Variants in PPP1R2 observed in about 807,000 individuals in gnomAD.
PPP1R2 encodes the protein protein phosphatase 1 regulatory inhibitor subunit 2.
In PPP1R2, 16 loss-of-function variants were observed where a neutral mutation model predicts 29.9. The observed-to-expected ratio is 0.53, with a 90% CI of 0.36 to 0.81. PPP1R2 has a LOEUF of 0.81. Ranked by LOEUF, PPP1R2 falls within the 30% of genes least tolerant of loss-of-function variation. The pLI, the probability that PPP1R2 is intolerant of heterozygous loss-of-function variation, is 0.00. For synonymous variants in PPP1R2, 76 were observed against 91.5 expected (o/e 0.83, Z 0.96); for missense variants, 197 against 252.7 (o/e 0.78, Z 1.49).
At chr3:195,532,217 T>TTTTC (rs1553886650) in intron 1 of PPP1R2, among the ~76,000 whole-genome samples, 6 of 125,116 alleles carry the variant, frequency 4.8e-5, no homozygotes, top group East Asian at 1.1e-3. Flanking sequence ...TTCTTTTTCT[T>TTTTC]TTTTTTTTTT....
intron 1 of PPP1R2, among the ~76,000 whole-genome samples, chr3:195,531,854 A>G (rs1719190500): frequency 6.6e-6 from 1 of 152,082 alleles, no homozygotes; most frequent in Admixed American, 6.6e-5. Flanking sequence ...TTAAGTACTA[A>G]CTCCCCACTC....
intron 1 of PPP1R2, among the ~76,000 whole-genome samples, 200 bp downstream of exon 1, chr3:195,542,704 T>TAA (rs768162560): frequency 1.1e-4 from 16 of 144,672 alleles, no homozygotes; most frequent in South Asian, 4.3e-4. Context: ...CCCAAATGCT[T>TAA]AAAAAAAAAA....
At chr3:195,542,793 C>T in intron 1 of PPP1R2, 111 bp downstream of exon 1, 1 of 1,335,734 alleles carries the variant, frequency 7.5e-7, no homozygotes, top group Non-Finnish European at 9.9e-7. Flanking sequence ...GGAGAAGAGA[C>T]TCGAGCGGCA....
At chr3:195,542,442 T>C (rs1430940362) in intron 1 of PPP1R2, among the ~76,000 whole-genome samples, 1 of 152,188 alleles carries the variant, frequency 6.6e-6, no homozygotes, top group African/African-American at 2.4e-5. Context: ...GATGCAGAAA[T>C]ACAGTGTGGC....
chr3:195,522,046 T>A (rs186114193), intron 4 of PPP1R2, among the ~76,000 whole-genome samples: 15 of 152,338 alleles, frequency 9.8e-5, no homozygotes, highest in Non-Finnish European at 1.8e-4. Flanking sequence ...TTATACCTAC[T>A]TTTACTTTTT....
At chr3:195,525,633 A>C (rs1331933031) in intron 2 of PPP1R2, among the ~76,000 whole-genome samples, 2 of 152,166 alleles carry the variant, frequency 1.3e-5, no homozygotes, top group Non-Finnish European at 2.9e-5. Context: ...AAAGTAACAA[A>C]ATTCGATCCC....
intron 1 of PPP1R2, among the ~76,000 whole-genome samples, chr3:195,535,186 G>GGC (rs1719330635): frequency 6.6e-6 from 1 of 152,106 alleles, no homozygotes; most frequent in Non-Finnish European, 1.5e-5. Context: ...ATAAGGAGTG[G>GGC]GCGACCTAGA....
chr3:195,515,796 T>A lies in PPP1R2; in HGVS notation c.*1100A>T, dbSNP rs1136. The A allele has an allele frequency of 6.6e-5, 10 of 152,016 alleles. No homozygotes were observed. The highest frequency in any genetic ancestry group is 5.2e-4 in the Admixed American group (8 of 15,246). 9.4% of individuals were successfully genotyped at this position (152,016 alleles called of 1,614,324 possible). Reference sequence around the variant, plus strand: ...CCTCAGTTAGTTGTTTTCTTAAGTCTAATTAATCCAAACTAATAATAGCCA... The same window carrying A: ...CCTCAGTTAGTTGTTTTCTTAAGTCAAATTAATCCAAACTAATAATAGCCA... On this transcript the variant is annotated 3_prime_UTR_variant, in exon 6 of 6. Transcript: ENST00000618156.
rs187879736 is a variant in PPP1R2 at position 195,523,822 on chromosome 3, A to C, written c.309-36T>G. The C allele has an allele frequency of 3.7e-5, 57 of 1,536,642 alleles. No homozygotes were observed. The Admixed American group carries it at 9.6e-4, about 26-fold the overall frequency. On this transcript the variant is annotated intron_variant, in intron 3 of 5. Coordinates refer to ENST00000618156, the MANE Select transcript of PPP1R2 (RefSeq NM_006241.8). ...ATCATGTACAAAGAAATTAACAGTG[A>C]TGTTTTGATATTATTTAAGCGCCTT...
rs1190295387 is a variant in PPP1R2 at position 195,516,138 on chromosome 3, A to G, written c.*758T>C. 6.6e-6 allele frequency: 1 copy of G among 152,578 alleles called. No homozygotes were observed. The highest frequency in any genetic ancestry group is 1.5e-5 in the Non-Finnish European group (1 of 67,978). The allele number at this position is 152,578 out of a possible 1,614,324, so 9.5% of individuals were successfully genotyped here. A position where few individuals can be genotyped will look rare whatever the true frequency, so the allele number is the denominator to read the frequency against. ...GGAATGGCGAGATAGCTACATTAGA[A>G]TATTTATTTTTTTAAAAAACTGCTC... On this transcript the variant is annotated 3_prime_UTR_variant, in exon 6 of 6. Coordinates refer to ENST00000618156, the MANE Select transcript of PPP1R2 (RefSeq NM_006241.8).
At chr3:195,535,856 G>C (rs185501098) in intron 1 of PPP1R2, among the ~76,000 whole-genome samples, 6 of 152,248 alleles carry the variant, frequency 3.9e-5, no homozygotes, top group Admixed American at 3.3e-4. Flanking sequence ...AAGCACAAAA[G>C]TTAGGCATAA....
chr3:195,535,253 C>T (rs1047193035), intron 1 of PPP1R2, among the ~76,000 whole-genome samples: 1 of 152,148 alleles, frequency 6.6e-6, no homozygotes, highest in African/African-American at 2.4e-5. Context: ...TCTAATGTCA[C>T]CATTGATCTG....
In PPP1R2 at chr3:195,515,617, G is replaced by A. The variant is rs1016949947; in HGVS notation, c.*1279C>T. 2.6e-5 allele frequency: 4 copies of A among 152,264 alleles called. No homozygotes were observed. The highest frequency in any genetic ancestry group is 2.1e-4 in the South Asian group (1 of 4,826). The allele number at this position is 152,264 out of a possible 1,614,324, so 9.4% of individuals were successfully genotyped here. On this transcript the variant is annotated 3_prime_UTR_variant, in exon 6 of 6. Transcript: ENST00000618156. ...TTACTGCGTTAGAAGAATAAAGCAC[G>A]TTTGTCATAGTACACATTATCGTAG...
At position 195,515,552 on chromosome 3, in the gene PPP1R2, T is replaced by G. The variant is rs1718513906; in HGVS notation, c.*1344A>C. On this transcript the variant is annotated 3_prime_UTR_variant, in exon 6 of 6. Coordinates refer to ENST00000618156, the MANE Select transcript of PPP1R2 (RefSeq NM_006241.8). ...ATAACTAAACCAAGACACACAGGGC[T>G]TTCCTGCACTTGGTTGAAGGAAAAA... 1 of 152,568 alleles carries G rather than the reference T, an allele frequency of 6.6e-6. No homozygotes were observed. Among genetic ancestry groups the G allele is most frequent in the Admixed American group, 6.5e-5 (1 of 15,272 alleles). The allele number at this position is 152,568 out of a possible 1,614,324, so 9.5% of individuals were successfully genotyped here.
chr3:195,522,922 A>G (rs1034330211), intron 4 of PPP1R2, among the ~76,000 whole-genome samples: 2 of 152,158 alleles, frequency 1.3e-5, no homozygotes, highest in African/African-American at 2.4e-5. Context: ...TGCTTTTCTT[A>G]TATCTTTCCC....
chr3:195,524,963 A>G, intron 2 of PPP1R2, 67 bp from the exon 3 acceptor site: 1 of 1,350,678 alleles, frequency 7.4e-7, no homozygotes, highest in Non-Finnish European at 1.1e-6. Flanking sequence ...AACAAGGGAG[A>G]AAAACAATTC....
intron 3 of PPP1R2, among the ~76,000 whole-genome samples, chr3:195,524,129 C>T (rs1718874150): frequency 6.6e-6 from 1 of 151,650 alleles, no homozygotes; most frequent in Non-Finnish European, 1.5e-5. Flanking sequence ...TGGGCATAGA[C>T]AAGAACAGTG....
Position 195,543,078 on chromosome 3 carries a change from G to A in PPP1R2, c.-53C>T, listed in dbSNP as rs183192883. ...GGTCGCTGCTTGGCGTGGGGTCCGC[G>A]AAGAGAAGGGTCGGCACAGCAGAGA... On this transcript the variant is annotated 5_prime_UTR_variant, in exon 1 of 6. Coordinates refer to ENST00000618156, the MANE Select transcript of PPP1R2 (RefSeq NM_006241.8). The A allele has an allele frequency of 2.0e-5, 31 of 1,564,412 alleles. No homozygotes were observed. In the African/African-American group the frequency reaches 3.7e-4, roughly 19 times the overall value.
chr3:195,517,707 C>T (rs1461163569), intron 5 of PPP1R2, among the ~76,000 whole-genome samples: 5 of 151,964 alleles, frequency 3.3e-5, no homozygotes, highest in Admixed American at 6.5e-5. Context: ...AAACAAAAAA[C>T]GCTGCCTCTA....
Sources: gnomAD v4.1 joint callset for allele counts (sites outside exome capture counted in the v4.1 genomes callset) on GRCh38, gnomAD v4.1.1 for gene constraint, MANE v1.5 for transcripts, NCBI Gene and HGNC (gene_info 2026-07-23, HGNC 2026-07-21) for gene names.